CPB1: variants seen among roughly 807,000 people sequenced by gnomAD.
CPB1 encodes the protein carboxypeptidase B1.
Under a neutral mutation model 51.4 loss-of-function variants are expected in CPB1, and 53 were observed. That is an observed-to-expected ratio of 1.03 (90% CI 0.83 to 1.30). The LOEUF (loss-of-function observed/expected upper bound fraction) is 1.30. Ranked by LOEUF, CPB1 falls within the 50% of genes most tolerant of loss-of-function variation. CPB1 has a pLI of 0.00. For missense variants in CPB1, 494 were observed against 516.2 expected, an observed-to-expected ratio of 0.96 and a Z score of 0.42; for synonymous variants, 189 against 186.9, an observed-to-expected ratio of 1.01 and a Z score of -0.09.
rs779840672 is a variant in CPB1 at position 148,828,071 on chromosome 3, G to A, written c.141G>A (p.Thr47=). 2.8e-5 allele frequency: 45 copies of A among 1,612,742 alleles called. No individual in the cohort carries two copies. Among genetic ancestry groups the A allele is most frequent in the Non-Finnish European group, 3.4e-5 (40 of 1,179,282 alleles). The change falls in exon 2 of 11, where the codon ACG becomes ACA. Residue 47 remains threonine, a synonymous_variant. Coordinates refer to ENST00000282957, the MANE Select transcript of CPB1 (RefSeq NM_001871.3). ...HINIIRELAS[T]TQIDFWKPDS... is the part of the protein sequence containing the mutation. ...ACATAATCCGCGAGTTGGCCAGCAC[G>A]ACCCAGGTAAGTAACAATTTTGATT...
In CPB1 at chr3:148,859,848, A is replaced by T; in HGVS notation, c.1100A>T (p.Tyr367Phe). The change falls in exon 11 of 11, where the codon TAT (tyrosine) becomes TTT (phenylalanine). Residue 367 changes from tyrosine (Y) to phenylalanine (F), a missense_variant. Transcript: ENST00000282957. The stretch of plus-strand genomic sequence containing the variant: ...GCTGGGGGCTCTGACGACTGGGCTT[A>T]TGACCAAGGAATCAGATATTCCTTC... ...PAAGGSDDWAYDQGIRYSFTF... is the reference protein window; with the variant it reads ...PAAGGSDDWAFDQGIRYSFTF... 1.2e-6 allele frequency: 2 copies of T among 1,614,062 alleles called. No individual in the cohort carries two copies. The highest frequency in any genetic ancestry group is 1.7e-6 in the Non-Finnish European group (2 of 1,179,962).
At chr3:148,844,916 T>A (rs1189270820) in intron 8 of CPB1, 149 bp downstream of exon 8, 1 of 721,374 alleles carries the variant, frequency 1.4e-6, no homozygotes, top group African/African-American at 1.8e-5. Context: ...AAAAACCAGT[T>A]TAATTCATTT....
chr3:148,835,820 G>A (rs1290753064), intron 3 of CPB1, among the ~76,000 whole-genome samples: 1 of 152,188 alleles, frequency 6.6e-6, no homozygotes, highest in African/African-American at 2.4e-5. Flanking sequence ...TCTTAAAAAT[G>A]TAAAAGAATA....
In CPB1 at chr3:148,841,075, T is replaced by C. The variant is rs1713061602; in HGVS notation, c.474+100T>C. 11 of 941,728 alleles carry C rather than the reference T, an allele frequency of 1.2e-5. No individual in the cohort carries two copies. The South Asian group carries it at 1.8e-4, about 15-fold the overall frequency. The allele number at this position is 941,728 out of a possible 1,614,324, so 58.3% of individuals were successfully genotyped here. A position where few individuals can be genotyped will look rare whatever the true frequency, so the allele number is the denominator to read the frequency against. ...TTCACAGACACGCTTATCCCAAACA[T>C]TGTTATAACTCTTTCCTGCCTACAT... On this transcript the variant is annotated intron_variant, in intron 5 of 10. Transcript: ENST00000282957.
At chr3:148,847,352 A>G (rs1026288939) in intron 9 of CPB1, among the ~76,000 whole-genome samples, 1 of 144,338 alleles carries the variant, frequency 6.9e-6, no homozygotes, top group African/African-American at 2.6e-5. Context: ...GGGCTACTCT[A>G]AAAGTCTCCA....
Position 148,841,827 on chromosome 3 carries a change from G to C in CPB1, c.479G>C (p.Gly160Ala). ...EGRAIYLLKV[G>A]KAGQNKPAIF... Reference sequence around the variant, plus strand: ...TTTTCCTTTTGTTTGCAATAGGTTGGCAAAGCTGGACAAAATAAGCCTGCC... The same window carrying C: ...TTTTCCTTTTGTTTGCAATAGGTTGCCAAAGCTGGACAAAATAAGCCTGCC... Residue 160 changes from glycine to alanine, a missense_variant, in exon 6 of 11, where the codon GGC (glycine) becomes GCC (alanine). Transcript: ENST00000282957. The C allele has an allele frequency of 6.2e-7, 1 of 1,613,448 alleles. No individual in the cohort carries two copies.
In CPB1 at chr3:148,860,085, T is replaced by C. The variant is rs918159380; in HGVS notation, c.*83T>C. On this transcript the variant is annotated 3_prime_UTR_variant, in exon 11 of 11. Transcript: ENST00000282957. ...GAATTCTTATTTTGGTTTGCCTGGA[T>C]GTTTTGCAGATCCCAATCTTTCTTT... is the stretch of plus-strand genomic sequence containing the variant. 7.4e-7 allele frequency: 1 copy of C among 1,357,478 alleles called. No homozygotes were observed. Among genetic ancestry groups the C allele is most frequent in the Non-Finnish European group, 1.0e-6 (1 of 979,536 alleles). The allele number at this position is 1,357,478 out of a possible 1,614,324, so 84.1% of individuals were successfully genotyped here. A position where few individuals can be genotyped will look rare whatever the true frequency, so the allele number is the denominator to read the frequency against.
In CPB1 at chr3:148,828,961, T is replaced by C. The variant is rs1712651674; in HGVS notation, c.147+884T>C. ...AATCCACTCAAATCTGGAATTTCCTTCTGGGAAACAGCATCCCCAGTTACT... is the reference window on the plus strand; with the variant it reads ...AATCCACTCAAATCTGGAATTTCCTCCTGGGAAACAGCATCCCCAGTTACT... On this transcript the variant is annotated intron_variant, in intron 2 of 10. Coordinates refer to ENST00000282957, the MANE Select transcript of CPB1 (RefSeq NM_001871.3). Among the ~76,000 whole-genome samples, 7 of 152,202 alleles carry C rather than the reference T, an allele frequency of 4.6e-5. No homozygotes were observed. The South Asian group carries it at 1.4e-3, about 31-fold the overall frequency.
At chr3:148,848,826 G>A (rs1478976118) in intron 9 of CPB1, among the ~76,000 whole-genome samples, 1 of 152,172 alleles carries the variant, frequency 6.6e-6, no homozygotes, top group Non-Finnish European at 1.5e-5. Flanking sequence ...AGACTACAAT[G>A]TTTCTCTAAG....
chr3:148,845,392 A>ATCCTTGCCATTAACATCATATGTTTT (rs763917634), intron 8 of CPB1, 32 bp from the exon 9 acceptor site: 6 of 1,598,972 alleles, frequency 3.8e-6, no homozygotes, highest in African/African-American at 1.3e-5. Flanking sequence ...TCACTAGGTG[A>ATCCTTGCCATTAACATCATATGTTTT]TCCTTGCCAT....
chr3:148,835,926 G>C (rs925307932), intron 3 of CPB1, among the ~76,000 whole-genome samples: 3 of 152,076 alleles, frequency 2.0e-5, no homozygotes, highest in African/African-American at 7.2e-5. Flanking sequence ...TAAAGGCTTT[G>C]GGAAAAAAAC....
At chr3:148,829,187 G>A (rs1394459585) in intron 2 of CPB1, among the ~76,000 whole-genome samples, 2 of 152,112 alleles carry the variant, frequency 1.3e-5, no homozygotes, top group Non-Finnish European at 2.9e-5. Context: ...CAAGCTTTCC[G>A]TAATTTTTCT....
rs144887972 is a variant in CPB1, at chr3:148,849,855, G to A, written c.981+4229G>A. ...CAACACTAGTAGTCAGGGTAGCCCT[G>A]GGTCTAAGGCTACTGGCTCCTGAGG... On this transcript the variant is annotated intron_variant, in intron 9 of 10. Coordinates refer to ENST00000282957, the MANE Select transcript of CPB1 (RefSeq NM_001871.3). Among the ~76,000 whole-genome samples the A allele has an allele frequency of 2.0e-3, 305 of 152,354 alleles. 1 individual carries two copies. The highest frequency in any genetic ancestry group is 7.0e-3 in the African/African-American group (293 of 41,576).
intron 3 of CPB1, among the ~76,000 whole-genome samples, chr3:148,837,124 T>C (rs777804466): frequency 1.6e-4 from 25 of 152,184 alleles, no homozygotes; most frequent in Non-Finnish European, 3.2e-4. Flanking sequence ...AACTTATGGT[T>C]ATGAAGCTAA....
At chr3:148,841,241 G>T (rs1441925654) in intron 5 of CPB1, among the ~76,000 whole-genome samples, 1 of 152,170 alleles carries the variant, frequency 6.6e-6, no homozygotes, top group Non-Finnish European at 1.5e-5. Context: ...CAACGTAAAT[G>T]ATTATCTACC....
intron 9 of CPB1, chr3:148,854,173 G>T (rs1356273163): frequency 2.0e-5 from 3 of 152,162 alleles, no homozygotes; most frequent in Non-Finnish European, 4.4e-5. Flanking sequence ...CTTAGCAGGG[G>T]TCAGTCATCT....
intron 9 of CPB1, chr3:148,855,574 A>G (rs1188038308): frequency 1.3e-5 from 2 of 152,246 alleles, no homozygotes; most frequent in Non-Finnish European, 2.9e-5. Context: ...ACATTGCACC[A>G]GTAAATATAT....
At chr3:148,840,828 T>C in intron 4 of CPB1, 43 bp downstream of exon 4, 1 of 1,613,810 alleles carries the variant, frequency 6.2e-7, no homozygotes, top group South Asian at 1.1e-5. Context: ...CTTTGGGAAT[T>C]GAACCAAGAA....
chr3:148,859,975 C>T lies in CPB1; in HGVS notation c.1227C>T (p.Ala409=). 2 of 1,614,078 alleles carry T rather than the reference C, an allele frequency of 1.2e-6. No individual in the cohort carries two copies. The highest frequency in any genetic ancestry group is 1.7e-6 in the Non-Finnish European group (2 of 1,179,970). The change falls in exon 11 of 11, where the codon GCC becomes GCT. Residue 409 remains alanine, a synonymous_variant. Coordinates refer to ENST00000282957, the MANE Select transcript of CPB1 (RefSeq NM_001871.3). ...CCTTCCTGGCAATCAAGTATGTTGC[C>T]AGCTACGTCCTGGAACACCTGTACT... ...EETFLAIKYV[A]SYVLEHLY
Sources: gnomAD v4.1 joint callset for allele counts (sites outside exome capture counted in the v4.1 genomes callset) on GRCh38, gnomAD v4.1.1 for gene constraint, MANE v1.5 for transcripts, NCBI Gene and HGNC (gene_info 2026-07-23, HGNC 2026-07-21) for gene names.